Variants in CCSER1 observed in about 807,000 individuals in gnomAD.
The protein encoded by CCSER1 is coiled-coil serine rich protein 1, also known as serine-rich coiled-coil domain-containing protein 1.
CCSER1 carries 41 observed loss-of-function variants against 82.0 expected under a neutral mutation model. The ratio of observed to expected loss-of-function variants is 0.50; its 90% CI spans 0.39 to 0.65. The LOEUF (loss-of-function observed/expected upper bound fraction) is 0.65, where lower values mean the gene tolerates loss of function less well. Among genes scored for constraint, CCSER1 ranks in the 30% least tolerant of loss-of-function variants. The pLI is 0.00. For missense variants in CCSER1, 1,119 were observed against 1,064.2 expected (o/e 1.05, Z -0.72); for synonymous variants, 414 against 383.9 (o/e 1.08, Z -0.92).
intron 7 of CCSER1, among the ~76,000 whole-genome samples, chr4:90,777,204 A>G (rs1580417561): frequency 6.6e-6 from 1 of 152,026 alleles, no homozygotes; most frequent in East Asian, 1.9e-4. Flanking sequence ...TAAAAATACA[A>G]AAATCAGCCA....
chr4:90,485,077 G>A (rs1035851469), intron 5 of CCSER1, among the ~76,000 whole-genome samples: 1 of 152,324 alleles, frequency 6.6e-6, no homozygotes, highest in East Asian at 1.9e-4. Flanking sequence ...AGCAATGGCG[G>A]GCGCCCCTCC....
At chr4:90,637,490 A>G (rs965411561) in intron 6 of CCSER1, among the ~76,000 whole-genome samples, 11 of 152,232 alleles carry the variant, frequency 7.2e-5, no homozygotes, top group Admixed American at 2.0e-4. Context: ...GGTAGGGAAC[A>G]TTGTGGTCCA....
chr4:90,456,799 C>A (rs1762224614), intron 4 of CCSER1, among the ~76,000 whole-genome samples: 1 of 152,184 alleles, frequency 6.6e-6, no homozygotes, highest in African/African-American at 2.4e-5. Flanking sequence ...CAGAAAGCAG[C>A]AAGTTTGCTT....
intron 8 of CCSER1, among the ~76,000 whole-genome samples, chr4:90,866,373 G>A (rs1765734444): frequency 6.6e-6 from 1 of 151,904 alleles, no homozygotes; most frequent in Admixed American, 6.6e-5. Context: ...TTTTACAAAG[G>A]GTCTTTATAG....
chr4:91,205,601 TG>T, intron 10 of CCSER1, among the ~76,000 whole-genome samples: 1 of 151,534 alleles, frequency 6.6e-6, no homozygotes, highest in East Asian at 1.9e-4. Context: ...ATACCTTGAC[TG>T]CTTTCTTTTC....
rs566946044 is a variant in CCSER1, at chr4:91,092,841, G to A, written c.2217+6847G>A. Reference sequence around the variant, plus strand: ...TGATGCCCGGTAAGGAGTAGATGCTGCTTTTCCTGCCTCTGTGTCTGCTCA... The same window carrying A: ...TGATGCCCGGTAAGGAGTAGATGCTACTTTTCCTGCCTCTGTGTCTGCTCA... On this transcript the variant is annotated intron_variant, in intron 10 of 10. Transcript: ENST00000509176. Among the ~76,000 whole-genome samples, 5 of 152,242 alleles carry A rather than the reference G, an allele frequency of 3.3e-5. No individual in the cohort carries two copies. In the East Asian group the frequency reaches 9.7e-4, roughly 29 times the overall value.
intron 10 of CCSER1, among the ~76,000 whole-genome samples, chr4:91,375,764 A>G (rs1167217216): frequency 6.6e-6 from 1 of 152,154 alleles, no homozygotes; most frequent in Admixed American, 6.6e-5. Context: ...TTCAACAAAT[A>G]ACAAATACAG....
At chr4:90,732,970 C>T (rs1204947552) in intron 7 of CCSER1, among the ~76,000 whole-genome samples, 3 of 152,142 alleles carry the variant, frequency 2.0e-5, no homozygotes, top group Admixed American at 6.5e-5. Flanking sequence ...TTGACTGCTA[C>T]GAATAGTGCT....
At chr4:90,577,578 A>C (rs1304742147) in intron 5 of CCSER1, among the ~76,000 whole-genome samples, 2 of 152,126 alleles carry the variant, frequency 1.3e-5, no homozygotes, top group Non-Finnish European at 2.9e-5. Context: ...GATAGTTCTA[A>C]AAAGAGTTGT....
intron 1 of CCSER1, among the ~76,000 whole-genome samples, chr4:90,180,156 T>A (rs1733464135): frequency 6.6e-6 from 1 of 150,444 alleles, no homozygotes; most frequent in Admixed American, 6.6e-5. Context: ...TATATTTTGC[T>A]TTTGTTATGT....
intron 6 of CCSER1, among the ~76,000 whole-genome samples, chr4:90,634,307 C>T (rs1025787824): frequency 1.3e-5 from 2 of 151,760 alleles, no homozygotes; most frequent in East Asian, 1.9e-4. Flanking sequence ...GCAAAAGACC[C>T]GCCATTGATT....
chr4:91,552,612 A>G (rs987571977), intron 10 of CCSER1, among the ~76,000 whole-genome samples: 1 of 151,628 alleles, frequency 6.6e-6, no homozygotes. Context: ...CATTTTATAC[A>G]CTGGAAGATG....
At chr4:90,483,966 G>A (rs1766538006) in intron 5 of CCSER1, among the ~76,000 whole-genome samples, 1 of 152,168 alleles carries the variant, frequency 6.6e-6, no homozygotes, top group Admixed American at 6.5e-5. Context: ...CCTGCAGAGT[G>A]TTTTCCAACT....
intron 5 of CCSER1, among the ~76,000 whole-genome samples, chr4:90,626,808 G>A (rs1045793879): frequency 2.0e-5 from 3 of 152,012 alleles, no homozygotes; most frequent in Non-Finnish European, 4.4e-5. Context: ...ACACCTATAA[G>A]GACATTACAT....
At chr4:91,576,669 G>C (rs931365815) in intron 10 of CCSER1, among the ~76,000 whole-genome samples, 4 of 151,950 alleles carry the variant, frequency 2.6e-5, no homozygotes, top group Admixed American at 6.6e-5. Flanking sequence ...GGTGACTGAA[G>C]TCTAAACATG....
At chr4:90,966,028 T>C (rs1354570463) in intron 9 of CCSER1, among the ~76,000 whole-genome samples, 2 of 152,016 alleles carry the variant, frequency 1.3e-5, no homozygotes, top group African/African-American at 4.8e-5. Context: ...AATAATCAGT[T>C]AAATTTAAGA....
rs143146675 is a variant in CCSER1 at position 90,917,757 on chromosome 4, A to C, written c.2095-5613A>C. Among the ~76,000 whole-genome samples the C allele has an allele frequency of 6.2e-3, 942 of 152,250 alleles. 4 individuals carry two copies. The highest frequency in any genetic ancestry group is 0.021 in the African/African-American group (893 of 41,564). The stretch of plus-strand genomic sequence containing the variant: ...AAAAATCTTTTATTATTGACATTGA[A>C]GTCCCTTACAAGATGATGGTCAAAT... On this transcript the variant is annotated intron_variant, in intron 8 of 10. Coordinates refer to ENST00000509176, the MANE Select transcript of CCSER1 (RefSeq NM_001145065.2).
At chr4:91,345,089 TG>T (rs781514124) in intron 10 of CCSER1, among the ~76,000 whole-genome samples, 33 of 152,126 alleles carry the variant, frequency 2.2e-4, no homozygotes, top group Non-Finnish European at 4.6e-4. Context: ...TCCCTGGAGT[TG>T]TTGAAAATCT....
chr4:90,493,706 A>G (rs1768475818), intron 5 of CCSER1, among the ~76,000 whole-genome samples: 1 of 152,164 alleles, frequency 6.6e-6, no homozygotes, highest in South Asian at 2.1e-4. Context: ...TTTACAGACA[A>G]GCAAATGCTG....
Sources: gnomAD v4.1 joint callset for allele counts (sites outside exome capture counted in the v4.1 genomes callset) on GRCh38, gnomAD v4.1.1 for gene constraint, MANE v1.5 for transcripts, NCBI Gene and HGNC (gene_info 2026-07-23, HGNC 2026-07-21) for gene names.